NKAIN3: variants seen among roughly 807,000 people sequenced by gnomAD.
NKAIN3 encodes sodium/potassium transporting ATPase interacting 3, also known as sodium/potassium-transporting ATPase subunit beta-1-interacting protein 3.
A neutral mutation model predicts 30.2 loss-of-function variants in NKAIN3; 25 were observed. The observed-to-expected ratio is 0.83, with a 90% CI of 0.60 to 1.16. The LOEUF (loss-of-function observed/expected upper bound fraction) is 1.16. Ranked by LOEUF, NKAIN3 falls within the 50% of genes most tolerant of loss-of-function variation. The probability of loss-of-function intolerance (pLI) is 0.00; values close to 1 mark genes in which losing one functional copy is unlikely to be tolerated. For missense variants in NKAIN3, 225 were observed against 254.1 expected, an observed-to-expected ratio of 0.89 and a Z score of 0.78; for synonymous variants, 91 against 89.6, an observed-to-expected ratio of 1.02 and a Z score of -0.09.
At chr8:62,440,080 G>A (rs1419251422) in intron 1 of NKAIN3, among the ~76,000 whole-genome samples, 1 of 152,060 alleles carries the variant, frequency 6.6e-6, no homozygotes, top group Non-Finnish European at 1.5e-5. Context: ...ACTAAAAGGT[G>A]CGTTTTATTT....
At chr8:62,424,759 A>G (rs942161640) in intron 1 of NKAIN3, among the ~76,000 whole-genome samples, 2 of 151,970 alleles carry the variant, frequency 1.3e-5, no homozygotes, top group African/African-American at 4.8e-5. Flanking sequence ...AATTAAATAT[A>G]GAAATATGGT....
At chr8:62,485,506 A>G (rs1258273732) in intron 1 of NKAIN3, among the ~76,000 whole-genome samples, 1 of 152,200 alleles carries the variant, frequency 6.6e-6, no homozygotes, top group Non-Finnish European at 1.5e-5. Flanking sequence ...GAAGGTCAGT[A>G]ATAGAGCTTA....
At chr8:62,716,153 G>T (rs769211419) in intron 3 of NKAIN3, among the ~76,000 whole-genome samples, 10 of 151,976 alleles carry the variant, frequency 6.6e-5, no homozygotes, top group Non-Finnish European at 1.3e-4. Context: ...TCCTGTAGCT[G>T]CACAGTCAAT....
rs148226318 is a variant in NKAIN3, at chr8:62,504,270, C to G, written c.55-75269C>G. 1.2e-4 allele frequency among the ~76,000 whole-genome samples: 18 copies of G among 152,274 alleles called. No homozygotes were observed. The South Asian group carries it at 3.7e-3, about 32-fold the overall frequency. On this transcript the variant is annotated intron_variant, in intron 1 of 6. Coordinates refer to ENST00000623646, the MANE Select transcript of NKAIN3 (RefSeq NM_001304533.3). ...AAAATTGTCTTCCACAAAACCAGTCCGTAGTGGTTGGGGACCACTGCTATA... is the reference window on the plus strand; with the variant it reads ...AAAATTGTCTTCCACAAAACCAGTCGGTAGTGGTTGGGGACCACTGCTATA...
chr8:62,591,814 C>T (rs1277387278), intron 3 of NKAIN3, among the ~76,000 whole-genome samples: 3 of 151,992 alleles, frequency 2.0e-5, no homozygotes, highest in Non-Finnish European at 4.4e-5. Context: ...ACAGTTTAGC[C>T]TCAATTCCAG....
intron 4 of NKAIN3, among the ~76,000 whole-genome samples, chr8:62,917,233 C>T (rs1563626823): frequency 6.6e-6 from 1 of 152,144 alleles, no homozygotes; most frequent in Non-Finnish European, 1.5e-5. Context: ...CAGCCTCTTG[C>T]CTTCTGACTC....
At chr8:62,915,818 T>C (rs1263186736) in intron 4 of NKAIN3, among the ~76,000 whole-genome samples, 1 of 152,084 alleles carries the variant, frequency 6.6e-6, no homozygotes, top group Non-Finnish European at 1.5e-5. Context: ...TTGCAACAAA[T>C]ACAGCAAAGG....
At chr8:62,699,872 A>T (rs1264566594) in intron 3 of NKAIN3, among the ~76,000 whole-genome samples, 2 of 152,198 alleles carry the variant, frequency 1.3e-5, no homozygotes, top group Non-Finnish European at 2.9e-5. Context: ...GTTAAAGAAA[A>T]TTTGTACATT....
At chr8:62,484,349 T>C (rs529240813) in intron 1 of NKAIN3, among the ~76,000 whole-genome samples, 8 of 152,338 alleles carry the variant, frequency 5.3e-5, no homozygotes, top group Admixed American at 3.9e-4. Context: ...TAGGTAAGTA[T>C]CTACTCATTT....
chr8:62,990,248 T>C, intron 5 of NKAIN3: 1 of 1,533,906 alleles, frequency 6.5e-7, no homozygotes, highest in Non-Finnish European at 8.8e-7. Flanking sequence ...TAGTAAGATA[T>C]TATCACCAAA....
intron 1 of NKAIN3, chr8:62,473,535 C>G (rs964394809): frequency 1.3e-5 from 2 of 152,116 alleles, no homozygotes; most frequent in Non-Finnish European, 2.9e-5. Context: ...AAAATTGATT[C>G]TTATTGCTAC....
chr8:62,517,292 T>C (rs890120754), intron 1 of NKAIN3, among the ~76,000 whole-genome samples: 2 of 152,138 alleles, frequency 1.3e-5, no homozygotes, highest in African/African-American at 4.8e-5. Flanking sequence ...GTATAAAATA[T>C]GCTGTTATAA....
intron 1 of NKAIN3, among the ~76,000 whole-genome samples, chr8:62,427,719 A>C (rs1319313397): frequency 6.6e-6 from 1 of 151,988 alleles, no homozygotes; most frequent in African/African-American, 2.4e-5. Context: ...TTATGCATAC[A>C]TAGAAGTTGT....
In NKAIN3 at chr8:62,983,738, A is replaced by G. The variant is rs1335970627; in HGVS notation, c.*18331A>G. 1.3e-5 allele frequency: 2 copies of G among 152,210 alleles called. No homozygotes were observed. Among genetic ancestry groups the G allele is most frequent in the East Asian group, 1.9e-4 (1 of 5,188 alleles). The allele number at this position is 152,210 out of a possible 1,614,324, so 9.4% of individuals were successfully genotyped here. A position where few individuals can be genotyped will look rare whatever the true frequency, so the allele number is the denominator to read the frequency against. On this transcript the variant is annotated 3_prime_UTR_variant, in exon 7 of 7. Transcript: ENST00000623646. ...CCCTCTTGCTCAGGACCTGACTAAC[A>G]TTTCAGAACTGCGGTCACCCATTTT...
At chr8:62,798,503 C>T (rs772845953) in intron 4 of NKAIN3, among the ~76,000 whole-genome samples, 6 of 151,636 alleles carry the variant, frequency 4.0e-5, no homozygotes, top group Non-Finnish European at 5.9e-5. Flanking sequence ...ACCCAGGAGG[C>T]GGAGCTTGCA....
At chr8:62,708,206 G>A (rs866279299) in intron 3 of NKAIN3, among the ~76,000 whole-genome samples, 2 of 151,972 alleles carry the variant, frequency 1.3e-5, no homozygotes, top group African/African-American at 2.4e-5. Context: ...TTGGCTATGC[G>A]GGCTCTTTTT....
chr8:62,702,473 T>G (rs11990729), intron 3 of NKAIN3, among the ~76,000 whole-genome samples: 1 of 152,188 alleles, frequency 6.6e-6, no homozygotes, highest in South Asian at 2.1e-4. Flanking sequence ...AAGTTAGATT[T>G]TTATGCACAT....
rs1194915449 is a variant in NKAIN3, at chr8:62,666,864, G to T, written c.273+77070G>T. Among the ~76,000 whole-genome samples the T allele has an allele frequency of 4.6e-5, 7 of 152,096 alleles. No individual in the cohort carries two copies. In the East Asian group the frequency reaches 1.2e-3, roughly 25 times the overall value. ...CAAACCCACTTCAAGTGAGGTGCTA[G>T]ATTTGATTGAATGTCATCACTGCCA... On this transcript the variant is annotated intron_variant, in intron 3 of 6. Transcript: ENST00000623646.
chr8:62,710,252 G>A (rs1333158498), intron 3 of NKAIN3, among the ~76,000 whole-genome samples: 1 of 152,052 alleles, frequency 6.6e-6, no homozygotes, highest in African/African-American at 2.4e-5. Flanking sequence ...GTTCCAAGGT[G>A]TAGTTTAAAT....
Sources: gnomAD v4.1 joint callset for allele counts (sites outside exome capture counted in the v4.1 genomes callset) on GRCh38, gnomAD v4.1.1 for gene constraint, MANE v1.5 for transcripts, NCBI Gene and HGNC (gene_info 2026-07-23, HGNC 2026-07-21) for gene names.